Variants in PLA2G4C observed in about 807,000 individuals in gnomAD.
PLA2G4C encodes the protein cytosolic phospholipase A2 gamma.
A neutral mutation model predicts 73.8 loss-of-function variants in PLA2G4C; 64 were observed. The observed-to-expected ratio is 0.87, with a 90% CI of 0.71 to 1.07. The LOEUF is 1.07. PLA2G4C is among the 50% of genes least tolerant of loss of function. The pLI is 0.00. For missense variants in PLA2G4C, 622 were observed against 665.4 expected, an observed-to-expected ratio of 0.93 and a Z score of 0.72; for synonymous variants, 254 against 252.1, an observed-to-expected ratio of 1.01 and a Z score of -0.07.
chr19:48,062,854 C>T (rs1968243338), intron 13 of PLA2G4C, among the ~76,000 whole-genome samples: 1 of 152,136 alleles, frequency 6.6e-6, no homozygotes, highest in Non-Finnish European at 1.5e-5. Flanking sequence ...TAAGGATGCA[C>T]AACCGTGACA....
intron 15 of PLA2G4C, among the ~76,000 whole-genome samples, chr19:48,054,486 G>T (rs1972722): frequency 0.92 from 136,788 of 149,476 alleles, 62,724 homozygotes; most frequent in Middle Eastern, 0.96. Context: ...TTTTTTTGTT[G>T]TTGTATTTTT....
At chr19:48,069,406 C>T (rs1183013745) in intron 12 of PLA2G4C, among the ~76,000 whole-genome samples, 1 of 152,106 alleles carries the variant, frequency 6.6e-6, no homozygotes, top group East Asian at 1.9e-4. Flanking sequence ...CTTCCCCAGC[C>T]CAAGAGGCTG....
chr19:48,094,558 T>C (rs1238257855), intron 7 of PLA2G4C, among the ~76,000 whole-genome samples: 1 of 152,214 alleles, frequency 6.6e-6, no homozygotes, highest in Admixed American at 6.5e-5. Flanking sequence ...AGGTAAGTAC[T>C]TTCCCTATGA....
At chr19:48,102,129 G>T (rs2031952475) in intron 4 of PLA2G4C, among the ~76,000 whole-genome samples, 2 of 151,956 alleles carry the variant, frequency 1.3e-5, no homozygotes, top group South Asian at 2.1e-4. Flanking sequence ...TAATGTTTTG[G>T]ATATATTGGG....
intron 7 of PLA2G4C, among the ~76,000 whole-genome samples, chr19:48,093,468 G>C (rs1009289815): frequency 2.6e-5 from 4 of 152,258 alleles, no homozygotes; most frequent in Admixed American, 6.5e-5. Context: ...TGCTCAGAGA[G>C]AGAGAGAGAG....
At chr19:48,065,437 G>A (rs1300718716) in intron 13 of PLA2G4C, among the ~76,000 whole-genome samples, 1 of 151,878 alleles carries the variant, frequency 6.6e-6, no homozygotes, top group Non-Finnish European at 1.5e-5. Context: ...CCAATGTGGT[G>A]AAACCCTGTC....
chr19:48,103,787 C>T (rs1318868872), intron 4 of PLA2G4C, among the ~76,000 whole-genome samples: 1 of 152,136 alleles, frequency 6.6e-6, no homozygotes, highest in East Asian at 1.9e-4. Context: ...CCTTTAATGT[C>T]AGAAGGTAGT....
At chr19:48,078,091 A>C (rs1165948291) in intron 10 of PLA2G4C, among the ~76,000 whole-genome samples, 2 of 152,188 alleles carry the variant, frequency 1.3e-5, no homozygotes, top group African/African-American at 2.4e-5. Flanking sequence ...CAAGTCAACA[A>C]ATGTGATATA....
chr19:48,106,582 C>T, intron 1 of PLA2G4C, 21 bp from the exon 2 acceptor site: 1 of 1,608,764 alleles, frequency 6.2e-7, no homozygotes, highest in Non-Finnish European at 8.5e-7. Context: ...AATGGCTCTT[C>T]TTAGTCCTGT....
intron 14 of PLA2G4C, among the ~76,000 whole-genome samples, chr19:48,059,000 T>A (rs1185887489): frequency 6.6e-6 from 1 of 151,940 alleles, no homozygotes; most frequent in East Asian, 1.9e-4. Context: ...TGGCCGGGCG[T>A]GGTGGCTCAC....
chr19:48,102,131 T>C (rs2031952763), intron 4 of PLA2G4C, among the ~76,000 whole-genome samples: 1 of 152,050 alleles, frequency 6.6e-6, no homozygotes, highest in Non-Finnish European at 1.5e-5. Flanking sequence ...ATGTTTTGGA[T>C]ATATTGGGTT....
intron 7 of PLA2G4C, chr19:48,090,691 C>G: frequency 2.3e-6 from 1 of 429,966 alleles, no homozygotes; most frequent in South Asian, 2.8e-5. Context: ...ACTGGCTACC[C>G]CAAGGCCATT....
chr19:48,056,369 G>A (rs2122445763), intron 14 of PLA2G4C, among the ~76,000 whole-genome samples: 1 of 152,234 alleles, frequency 6.6e-6, no homozygotes, highest in South Asian at 2.1e-4. Flanking sequence ...CCAACATGGT[G>A]AAACCCCGTC....
chr19:48,106,648 C>T (rs1026964647), intron 1 of PLA2G4C, 87 bp from the exon 2 acceptor site: 2 of 1,011,342 alleles, frequency 2.0e-6, no homozygotes. Flanking sequence ...GTCACGGGCT[C>T]ATGGGTTCTC....
At chr19:48,066,608 C>T (rs767505194) in intron 13 of PLA2G4C, among the ~76,000 whole-genome samples, 1 of 151,990 alleles carries the variant, frequency 6.6e-6, no homozygotes, top group Non-Finnish European at 1.5e-5. Flanking sequence ...CACCTTTTCT[C>T]GATTTGCACA....
intron 9 of PLA2G4C, among the ~76,000 whole-genome samples, 155 bp from the exon 10 acceptor site, chr19:48,085,267 C>T (rs533401614): frequency 1.3e-5 from 2 of 152,284 alleles, no homozygotes; most frequent in East Asian, 1.9e-4. Context: ...ATGAAGCAAT[C>T]AGTGGGCACC....
intron 14 of PLA2G4C, among the ~76,000 whole-genome samples, chr19:48,059,564 A>G (rs1968089417): frequency 6.6e-6 from 1 of 152,106 alleles, no homozygotes. Flanking sequence ...TGACTAGAAC[A>G]AAGCAGACAG....
chr19:48,105,082 CA>C (rs3083068), intron 3 of PLA2G4C, among the ~76,000 whole-genome samples: 2,396 of 87,464 alleles, frequency 0.027, 52 homozygotes, highest in Middle Eastern at 0.1. Flanking sequence ...GACGTTGTCT[CA>C]AAAAAAAAAA....
At chr19:48,081,582 A>G (rs966893001) in intron 10 of PLA2G4C, among the ~76,000 whole-genome samples, 2 of 151,486 alleles carry the variant, frequency 1.3e-5, no homozygotes, top group African/African-American at 4.9e-5. Context: ...ACATGGAGAA[A>G]CCCTGTCTGT....
Sources: allele counts gnomAD v4.1 joint callset (sites outside exome capture counted in the v4.1 genomes callset), GRCh38; gene constraint gnomAD v4.1.1; transcripts MANE v1.5; gene names NCBI Gene and HGNC (gene_info 2026-07-23, HGNC 2026-07-21).